NTRK3: variants seen among roughly 807,000 people sequenced by gnomAD.
The protein encoded by NTRK3 is neurotrophic receptor tyrosine kinase 3, also known as NT-3 growth factor receptor.
In NTRK3, 24 loss-of-function variants were observed where a neutral mutation model predicts 91.7. The ratio of observed to expected loss-of-function variants is 0.26; its 90% CI spans 0.19 to 0.37. The LOEUF is 0.37. Among genes scored for constraint, NTRK3 ranks in the 10% least tolerant of loss-of-function variants. The pLI is 1.00. For synonymous variants in NTRK3, 483 were observed against 404.0 expected, an observed-to-expected ratio of 1.20 and a Z score of -2.34; for missense variants, 880 against 1,068.9, an observed-to-expected ratio of 0.82 and a Z score of 2.46.
chr15:88,079,002 C>T (rs977910872), intron 13 of NTRK3, among the ~76,000 whole-genome samples: 5 of 152,150 alleles, frequency 3.3e-5, no homozygotes, highest in South Asian at 2.1e-4. Flanking sequence ...CTCAAAGGAC[C>T]CCTCTGGCTG....
At chr15:88,166,281 A>C (rs2044935594) in intron 5 of NTRK3, among the ~76,000 whole-genome samples, 1 of 152,200 alleles carries the variant, frequency 6.6e-6, no homozygotes. Flanking sequence ...GCAGAAGTGG[A>C]AGGGGCACTC....
intron 13 of NTRK3, among the ~76,000 whole-genome samples, chr15:88,118,506 C>A (rs1002626983): frequency 6.6e-6 from 1 of 152,118 alleles, no homozygotes; most frequent in Admixed American, 6.5e-5. Flanking sequence ...CCATCCTGTA[C>A]CATGATACTG....
At chr15:88,011,642 G>C (rs2076888294) in intron 14 of NTRK3, among the ~76,000 whole-genome samples, 1 of 152,128 alleles carries the variant, frequency 6.6e-6, no homozygotes, top group Non-Finnish European at 1.5e-5. Context: ...TACACATCCT[G>C]GCAGTGTATG....
chr15:88,123,159 T>C (rs143371550), intron 13 of NTRK3, among the ~76,000 whole-genome samples: 20 of 152,274 alleles, frequency 1.3e-4, no homozygotes, highest in African/African-American at 3.1e-4. Context: ...GGAGAAATGT[T>C]CCCATGGAGC....
intron 14 of NTRK3, among the ~76,000 whole-genome samples, chr15:87,976,271 A>G (rs899428885): frequency 4.6e-5 from 7 of 152,286 alleles, no homozygotes; most frequent in Non-Finnish European, 8.8e-5. Context: ...GCCACTCTAG[A>G]GAGCAGGAGC....
At chr15:88,253,972 A>G (rs908082000) in intron 3 of NTRK3, among the ~76,000 whole-genome samples, 5 of 152,314 alleles carry the variant, frequency 3.3e-5, no homozygotes, top group Admixed American at 6.5e-5. Flanking sequence ...GTGGCTATAA[A>G]GAGCCTACGT....
intron 13 of NTRK3, among the ~76,000 whole-genome samples, chr15:88,076,675 A>T (rs955946129): frequency 2.5e-5 from 3 of 122,094 alleles, no homozygotes; most frequent in Admixed American, 7.6e-5. Context: ...ACATATGTAA[A>T]AAAAAAAAAA....
At chr15:87,923,191 CA>C (rs1365637904) in intron 17 of NTRK3, among the ~76,000 whole-genome samples, 4 of 152,164 alleles carry the variant, frequency 2.6e-5, no homozygotes, top group Non-Finnish European at 5.9e-5. Context: ...CAGAGATTGC[CA>C]GCTATGAAGT....
chr15:87,946,857 T>A (rs2070562006), intron 14 of NTRK3, among the ~76,000 whole-genome samples: 2 of 148,766 alleles, frequency 1.3e-5, no homozygotes, highest in Admixed American at 1.3e-4. Flanking sequence ...CCTTTACAGC[T>A]CTGTCTTTCG....
rs1290771839 is a variant in NTRK3, at chr15:88,233,141, G to T, written c.248+22765C>A. ...AATGGGGCAGAGAGAATCTATTTCG[G>T]AGCCACCCCAGGCTATTTTCCTCTG... On this transcript the variant is annotated intron_variant, in intron 3 of 18. Coordinates refer to ENST00000394480, the Ensembl canonical transcript of NTRK3. The surrounding 1 kb of genome is among the most constrained non-coding windows in gnomAD (Gnocchi z 4.2). Among the ~76,000 whole-genome samples the T allele has an allele frequency of 6.6e-6, 1 of 152,152 alleles. No individual in the cohort carries two copies.
intron 15 of NTRK3, among the ~76,000 whole-genome samples, chr15:87,934,898 C>A (rs1233201008): frequency 6.6e-6 from 1 of 152,198 alleles, no homozygotes; most frequent in African/African-American, 2.4e-5. Flanking sequence ...CAACTTCAAC[C>A]AGCACCACCT....
intron 13 of NTRK3, among the ~76,000 whole-genome samples, chr15:88,102,072 G>T (rs756950295): frequency 6.6e-6 from 1 of 151,812 alleles, no homozygotes; most frequent in African/African-American, 2.4e-5. Context: ...CGGAAATGGG[G>T]TATCCCCAAC....
At chr15:88,195,644 T>C (rs2047751271) in intron 3 of NTRK3, among the ~76,000 whole-genome samples, 1 of 152,232 alleles carries the variant, frequency 6.6e-6, no homozygotes, top group Non-Finnish European at 1.5e-5. Context: ...TCATGTTGAT[T>C]ATAAAACCTC....
intron 3 of NTRK3, among the ~76,000 whole-genome samples, chr15:88,220,452 C>T (rs952648050): frequency 3.3e-5 from 5 of 152,160 alleles, no homozygotes; most frequent in African/African-American, 1.2e-4. Flanking sequence ...GATGGGAGTT[C>T]AAATCTAGGC....
At chr15:88,017,788 AACAAATCCCC>A (rs1222992122) in intron 14 of NTRK3, among the ~76,000 whole-genome samples, 3 of 152,200 alleles carry the variant, frequency 2.0e-5, no homozygotes, top group East Asian at 1.9e-4. Context: ...GCTCCTAAGT[AACAAATCCCC>A]ACAAATCCCC....
At chr15:88,042,432 G>A (rs1281524914) in intron 13 of NTRK3, among the ~76,000 whole-genome samples, 3 of 152,180 alleles carry the variant, frequency 2.0e-5, no homozygotes, top group East Asian at 3.9e-4. Flanking sequence ...TGCCTCCTCC[G>A]GCTTCCAGAC....
chr15:88,134,844 A>G (rs2041720370), intron 10 of NTRK3, among the ~76,000 whole-genome samples: 1 of 152,190 alleles, frequency 6.6e-6, no homozygotes, highest in Non-Finnish European at 1.5e-5. Flanking sequence ...TTTCTCTACT[A>G]TCATACAGTG....
chr15:87,899,045 C>A (rs2066299465), intron 17 of NTRK3, among the ~76,000 whole-genome samples: 1 of 152,220 alleles, frequency 6.6e-6, no homozygotes, highest in African/African-American at 2.4e-5. Flanking sequence ...ACTAACATAT[C>A]TTGGGGCTTA....
At chr15:87,980,156 C>A (rs1057298827) in intron 14 of NTRK3, among the ~76,000 whole-genome samples, 1 of 152,182 alleles carries the variant, frequency 6.6e-6, no homozygotes, top group Non-Finnish European at 1.5e-5. Flanking sequence ...CCCGAGGCCA[C>A]GTGCTGCCTC....
Sources: gnomAD v4.1 joint callset for allele counts (sites outside exome capture counted in the v4.1 genomes callset) on GRCh38, gnomAD v4.1.1 for gene constraint, Gnocchi (gnomAD v3.1) non-coding constraint, MANE v1.5 for transcripts, NCBI Gene and HGNC (gene_info 2026-07-23, HGNC 2026-07-21) for gene names.